ESYT2: variants seen among roughly 807,000 people sequenced by gnomAD.
ESYT2 encodes extended synaptotagmin 2, also known as extended synaptotagmin-2.
In ESYT2, 54 loss-of-function variants were observed where a neutral mutation model predicts 107.2. That is an observed-to-expected ratio of 0.50 (90% CI 0.40 to 0.63). The LOEUF (loss-of-function observed/expected upper bound fraction) is 0.63, where lower values mean the gene tolerates loss of function less well. Among genes scored for constraint, ESYT2 ranks in the 30% least tolerant of loss-of-function variants. The probability of loss-of-function intolerance (pLI) is 0.00; values close to 1 mark genes in which losing one functional copy is unlikely to be tolerated. For missense variants in ESYT2, 1,020 were observed against 1,094.5 expected (o/e 0.93, Z 0.96); for synonymous variants, 491 against 434.1 (o/e 1.13, Z -1.63).
In ESYT2 at chr7:158,755,834, A is replaced by G. The variant is rs572325177; in HGVS notation, c.1420-2991T>C. Among the ~76,000 whole-genome samples, 108 of 151,638 alleles carry G rather than the reference A, an allele frequency of 7.1e-4. 1 individual carries two copies. Among genetic ancestry groups the G allele is most frequent in the Admixed American group, 1.2e-3 (18 of 15,238 alleles). ...TCTTCCAATGAGATCACTTGGACAC[A>G]GGGCGGGGAACATCACATACTAGGG... is the stretch of plus-strand genomic sequence containing the variant. On this transcript the variant is annotated intron_variant, in intron 13 of 22. Coordinates refer to ENST00000275418, the MANE Select transcript of ESYT2 (RefSeq NM_001367773.1).
rs1180344571 is a variant in ESYT2, at chr7:158,778,375, G to T, written c.748-4979C>A. On this transcript the variant is annotated intron_variant, in intron 6 of 22. Transcript: ENST00000275418. ...AAAAGTCAGTATAAAGCTAATTTTA[G>T]TTGGTGATTTTGGACCTGTTAATAT... is the stretch of plus-strand genomic sequence containing the variant. Among the ~76,000 whole-genome samples, 12 of 151,604 alleles carry T rather than the reference G, an allele frequency of 7.9e-5. No individual in the cohort carries two copies. The East Asian group carries it at 2.1e-3, about 27-fold the overall frequency.
chr7:158,750,172 T>C (rs1837535657), intron 14 of ESYT2, among the ~76,000 whole-genome samples: 1 of 152,136 alleles, frequency 6.6e-6, no homozygotes, highest in South Asian at 2.1e-4. Flanking sequence ...GGTTTTATGT[T>C]CTCAACTTAG....
chr7:158,818,535 G>C (rs767895102), intron 1 of ESYT2, among the ~76,000 whole-genome samples: 1 of 152,224 alleles, frequency 6.6e-6, no homozygotes, highest in South Asian at 2.1e-4. Context: ...AGGTGGGGGA[G>C]GGAGGTGGCA....
At chr7:158,814,939 GA>G in intron 1 of ESYT2, among the ~76,000 whole-genome samples, 1 of 120,660 alleles carries the variant, frequency 8.3e-6, no homozygotes, top group East Asian at 9.7e-4. Flanking sequence ...CTGCCATCAA[GA>G]GAGAGGAGAG....
chr7:158,826,749 A>G (rs1840459880), intron 1 of ESYT2, among the ~76,000 whole-genome samples: 1 of 142,050 alleles, frequency 7.0e-6, no homozygotes, highest in Admixed American at 7.4e-5. Context: ...TGAACCCGGG[A>G]GGCGGAGGTT....
intron 1 of ESYT2, among the ~76,000 whole-genome samples, chr7:158,810,365 T>C (rs557618824): frequency 6.6e-6 from 1 of 152,254 alleles, no homozygotes; most frequent in African/African-American, 2.4e-5. Context: ...AACACTAATA[T>C]ATGTTACACT....
intron 4 of ESYT2, among the ~76,000 whole-genome samples, chr7:158,793,416 T>G (rs538348410): frequency 7.3e-4 from 111 of 151,102 alleles, no homozygotes; most frequent in Admixed American, 1.7e-3. Context: ...AGTTTTCTTT[T>G]TTTGCAGTGT....
At chr7:158,736,812 A>C (rs145574214) in intron 20 of ESYT2, among the ~76,000 whole-genome samples, 6 of 152,356 alleles carry the variant, frequency 3.9e-5, no homozygotes, top group African/African-American at 1.4e-4. Flanking sequence ...ATCTTTATTT[A>C]ATCACTAGTC....
At chr7:158,809,101 G>GA (rs1451334622) in intron 1 of ESYT2, among the ~76,000 whole-genome samples, 1 of 152,142 alleles carries the variant, frequency 6.6e-6, no homozygotes, top group African/African-American at 2.4e-5. Context: ...TTTCACTGGG[G>GA]ATCTTGGAAA....
chr7:158,798,377 T>C (rs1386499068), intron 2 of ESYT2, among the ~76,000 whole-genome samples: 4 of 152,244 alleles, frequency 2.6e-5, no homozygotes, highest in Admixed American at 6.5e-5. Flanking sequence ...AATATTTATA[T>C]AGTTCTTCAA....
chr7:158,749,897 A>G (rs1379082084), intron 14 of ESYT2, among the ~76,000 whole-genome samples, 174 bp from the exon 15 acceptor site: 2 of 152,242 alleles, frequency 1.3e-5, no homozygotes, highest in Non-Finnish European at 1.5e-5. Context: ...ACCCCAAACC[A>G]TAACTACAAA....
chr7:158,802,315 C>G (rs1446544805), intron 1 of ESYT2, among the ~76,000 whole-genome samples: 2 of 151,752 alleles, frequency 1.3e-5, no homozygotes, highest in Non-Finnish European at 2.9e-5. Flanking sequence ...GAGATGGAGT[C>G]TAACTCCGTC....
chr7:158,828,999 G>T, intron 1 of ESYT2, 90 bp downstream of exon 1: 1 of 1,506,476 alleles, frequency 6.6e-7, no homozygotes, highest in South Asian at 1.3e-5. Flanking sequence ...TCACCCAGGC[G>T]GCAGGTCGCG....
At chr7:158,800,072 G>C (rs1839589224) in intron 1 of ESYT2, among the ~76,000 whole-genome samples, 1 of 132,634 alleles carries the variant, frequency 7.5e-6, no homozygotes, top group African/African-American at 2.8e-5. Context: ...TTTTTTTTGA[G>C]ACAGAGTCTC....
At chr7:158,822,370 A>C (rs1276392848) in intron 1 of ESYT2, among the ~76,000 whole-genome samples, 1 of 152,216 alleles carries the variant, frequency 6.6e-6, no homozygotes, top group Non-Finnish European at 1.5e-5. Context: ...ACGGAAAAAC[A>C]GATTTCGGTT....
chr7:158,752,414 C>T (rs1837616333), intron 14 of ESYT2, among the ~76,000 whole-genome samples: 1 of 152,204 alleles, frequency 6.6e-6, no homozygotes. Flanking sequence ...TCACAGTTCA[C>T]AAGGCATACC....
chr7:158,776,572 T>C (rs1253432191), intron 6 of ESYT2, among the ~76,000 whole-genome samples: 1 of 152,216 alleles, frequency 6.6e-6, no homozygotes, highest in African/African-American at 2.4e-5. Flanking sequence ...TCTGTCAGTC[T>C]TCATAGAAGT....
At chr7:158,738,928 G>C in intron 19 of ESYT2, 95 bp downstream of exon 19, 1 of 1,216,420 alleles carries the variant, frequency 8.2e-7, no homozygotes, top group Non-Finnish European at 1.2e-6. Context: ...AACATAAATG[G>C]ATGTTTGGAA....
chr7:158,815,196 A>G (rs1840117091), intron 1 of ESYT2, among the ~76,000 whole-genome samples: 1 of 152,150 alleles, frequency 6.6e-6, no homozygotes, highest in South Asian at 2.1e-4. Flanking sequence ...TCCCTTGTGA[A>G]GCTATCCACA....
Sources: gnomAD v4.1 joint callset for allele counts (sites outside exome capture counted in the v4.1 genomes callset) on GRCh38, gnomAD v4.1.1 for gene constraint, MANE v1.5 for transcripts, NCBI Gene and HGNC (gene_info 2026-07-23, HGNC 2026-07-21) for gene names.